Variants in LRMDA observed in about 807,000 individuals in gnomAD.
The protein encoded by LRMDA is leucine rich melanocyte differentiation associated, also known as leucine-rich melanocyte differentiation-associated protein.
LRMDA carries 18 observed loss-of-function variants against 29.8 expected under a neutral mutation model. That is an observed-to-expected ratio of 0.60 (90% CI 0.42 to 0.90). The LOEUF is 0.90. LRMDA is among the 40% of genes least tolerant of loss of function. LRMDA has a pLI of 0.00. For synonymous variants in LRMDA, 125 were observed against 109.4 expected (o/e 1.14, Z -0.89); for missense variants, 273 against 273.9 (o/e 1.00, Z 0.02).
chr10:76,287,480 A>G (rs1322562), intron 5 of LRMDA, among the ~76,000 whole-genome samples: 61,476 of 151,448 alleles, frequency 0.41, 12,877 homozygotes, highest in South Asian at 0.55. Context: ...ATCTAACTTG[A>G]CTCTAAGCAA....
At chr10:76,373,258 T>G (rs1038066352) in intron 6 of LRMDA, among the ~76,000 whole-genome samples, 1 of 152,136 alleles carries the variant, frequency 6.6e-6, no homozygotes, top group Non-Finnish European at 1.5e-5. Context: ...TCCTTCTTAG[T>G]AGAAATGGGC....
chr10:75,968,220 A>C (rs2132435931), intron 2 of LRMDA, among the ~76,000 whole-genome samples: 1 of 152,222 alleles, frequency 6.6e-6, no homozygotes, highest in African/African-American at 2.4e-5. Flanking sequence ...GAGCCCCACT[A>C]GAGCTGTAAG....
intron 2 of LRMDA, among the ~76,000 whole-genome samples, chr10:75,809,086 G>C (rs985221869): frequency 3.3e-5 from 5 of 152,004 alleles, no homozygotes; most frequent in Non-Finnish European, 5.9e-5. Flanking sequence ...ATCCTCTGGG[G>C]GTCAGCTTGT....
At chr10:75,656,437 G>GT (rs1214881656) in intron 2 of LRMDA, among the ~76,000 whole-genome samples, 11 of 152,150 alleles carry the variant, frequency 7.2e-5, no homozygotes, top group Non-Finnish European at 4.4e-5. Context: ...TGTTGTTACT[G>GT]TTTTTTTATT....
chr10:76,270,042 G>A (rs1479029710), intron 5 of LRMDA, among the ~76,000 whole-genome samples: 1 of 152,188 alleles, frequency 6.6e-6, no homozygotes, highest in Non-Finnish European at 1.5e-5. Context: ...TTCCCCGTCA[G>A]TATTTACAAA....
intron 2 of LRMDA, among the ~76,000 whole-genome samples, chr10:75,693,693 C>A (rs149557949): frequency 6.6e-6 from 1 of 152,094 alleles, no homozygotes; most frequent in Non-Finnish European, 1.5e-5. Flanking sequence ...TGACTTAATG[C>A]GCCTTATTCT....
intron 6 of LRMDA, among the ~76,000 whole-genome samples, chr10:76,360,529 G>T (rs1841298975): frequency 6.6e-6 from 1 of 152,100 alleles, no homozygotes; most frequent in Non-Finnish European, 1.5e-5. Flanking sequence ...CTACATAAAA[G>T]GCAAAGCACA....
At chr10:76,282,440 G>A (rs2132335816) in intron 5 of LRMDA, among the ~76,000 whole-genome samples, 1 of 152,296 alleles carries the variant, frequency 6.6e-6, no homozygotes, top group South Asian at 2.1e-4. Flanking sequence ...CGACCCCAGT[G>A]TTTGTGCAGT....
chr10:76,266,979 A>G (rs1412879334), intron 5 of LRMDA, among the ~76,000 whole-genome samples: 1 of 152,092 alleles, frequency 6.6e-6, no homozygotes, highest in African/African-American at 2.4e-5. Flanking sequence ...ATGATACAGG[A>G]GGGACACATT....
At chr10:75,560,814 C>T (rs1315712995) in intron 2 of LRMDA, among the ~76,000 whole-genome samples, 1 of 152,108 alleles carries the variant, frequency 6.6e-6, no homozygotes, top group Non-Finnish European at 1.5e-5. Context: ...GTCTTTGATT[C>T]TGTTTATATG....
chr10:76,425,448 T>C (rs985146694), intron 6 of LRMDA, among the ~76,000 whole-genome samples: 1 of 152,084 alleles, frequency 6.6e-6, no homozygotes, highest in Non-Finnish European at 1.5e-5. Context: ...CCAAGTTGCT[T>C]AACCTCTGCG....
At chr10:75,924,541 A>G (rs575577352) in intron 2 of LRMDA, among the ~76,000 whole-genome samples, 1 of 152,292 alleles carries the variant, frequency 6.6e-6, no homozygotes, top group East Asian at 1.9e-4. Context: ...GATGATGGGA[A>G]GTGACAGTGG....
At chr10:75,507,191 C>T (rs1269874778) in intron 2 of LRMDA, among the ~76,000 whole-genome samples, 2 of 151,766 alleles carry the variant, frequency 1.3e-5, no homozygotes, top group Non-Finnish European at 2.9e-5. Flanking sequence ...AGTTCCTCCA[C>T]TCCAGCGTAC....
chr10:75,632,759 GT>G (rs903868882), intron 2 of LRMDA, among the ~76,000 whole-genome samples: 1 of 73,208 alleles, frequency 1.4e-5, no homozygotes, highest in Non-Finnish European at 2.9e-5. Context: ...AGTGAGGTTA[GT>G]TTTTTTGTTT....
At chr10:76,415,055 C>T (rs893357174) in intron 6 of LRMDA, among the ~76,000 whole-genome samples, 3 of 152,256 alleles carry the variant, frequency 2.0e-5, no homozygotes, top group Non-Finnish European at 4.4e-5. Flanking sequence ...CAGGCCCTTC[C>T]CTCTTGGGAG....
intron 5 of LRMDA, among the ~76,000 whole-genome samples, chr10:76,073,260 TC>T (rs1445355395): frequency 3.3e-5 from 5 of 152,194 alleles, no homozygotes; most frequent in African/African-American, 1.2e-4. Flanking sequence ...TCAACTCTAT[TC>T]CCTATATGTG....
intron 2 of LRMDA, among the ~76,000 whole-genome samples, chr10:75,898,598 G>C (rs1287035483): frequency 6.6e-6 from 1 of 151,586 alleles, no homozygotes; most frequent in Non-Finnish European, 1.5e-5. Context: ...CTGGGAACGG[G>C]CACTGCCCAC....
At chr10:75,892,181 T>G (rs1265532453) in intron 2 of LRMDA, among the ~76,000 whole-genome samples, 4 of 152,220 alleles carry the variant, frequency 2.6e-5, no homozygotes, top group Non-Finnish European at 4.4e-5. Context: ...TCCTTGTCTA[T>G]TCTCATTTTG....
intron 5 of LRMDA, among the ~76,000 whole-genome samples, chr10:76,282,235 G>T (rs1055432883): frequency 2.6e-5 from 4 of 152,142 alleles, no homozygotes; most frequent in Admixed American, 2.6e-4. Flanking sequence ...AAATTGCCTT[G>T]CAGTTCTATT....
Sources: gnomAD v4.1 joint callset for allele counts (sites outside exome capture counted in the v4.1 genomes callset) on GRCh38, gnomAD v4.1.1 for gene constraint, MANE v1.5 for transcripts, NCBI Gene and HGNC (gene_info 2026-07-23, HGNC 2026-07-21) for gene names.